Variants in PHLPP1 observed in about 807,000 individuals in gnomAD.
PHLPP1 encodes the protein PH domain leucine-rich repeat-containing protein phosphatase 1.
A neutral mutation model predicts 117.2 loss-of-function variants in PHLPP1; 42 were observed. That is an observed-to-expected ratio of 0.36 (90% CI 0.28 to 0.46). The LOEUF is 0.46. Among genes scored for constraint, PHLPP1 ranks in the 20% least tolerant of loss-of-function variants. The pLI is 1.00. For synonymous variants in PHLPP1, 1,042 were observed against 970.7 expected (o/e 1.07, Z -1.37); for missense variants, 2,084 against 2,241.9 (o/e 0.93, Z 1.42).
intron 10 of PHLPP1, among the ~76,000 whole-genome samples, chr18:62,920,578 G>T (rs1568162034): frequency 6.6e-6 from 1 of 152,066 alleles, no homozygotes. Context: ...TTGATCTTTT[G>T]AGACAGAGTC....
intron 1 of PHLPP1, among the ~76,000 whole-genome samples, chr18:62,790,764 G>A (rs560191964): frequency 6.6e-5 from 10 of 152,152 alleles, no homozygotes; most frequent in Non-Finnish European, 1.2e-4. Context: ...GGCTCTTGCC[G>A]TTAGTTGAGT....
At chr18:62,860,267 A>AAC (rs1915599001) in intron 3 of PHLPP1, among the ~76,000 whole-genome samples, 168 bp from the exon 4 acceptor site, 1 of 152,146 alleles carries the variant, frequency 6.6e-6, no homozygotes, top group African/African-American at 2.4e-5. Context: ...TATTGACTGA[A>AAC]AGGTTGGTAT....
Position 62,895,337 on chromosome 18 carries a change from C to A in PHLPP1, c.2213+180C>A, listed in dbSNP as rs1916530498. ...TCATATGTTGGATTTGTACTCCTTACAGTCTTGTAAAAAAATTAAATATTC... is the reference window on the plus strand; with the variant it reads ...TCATATGTTGGATTTGTACTCCTTAAAGTCTTGTAAAAAAATTAAATATTC... On this transcript the variant is annotated intron_variant, in intron 5 of 16. Transcript: ENST00000262719. Among the ~76,000 whole-genome samples the A allele has an allele frequency of 2.0e-5, 3 of 152,222 alleles. No homozygotes were observed. The South Asian group carries it at 6.2e-4, about 31-fold the overall frequency.
At chr18:62,833,980 AGTGAAC>A (rs1914822920) in intron 2 of PHLPP1, among the ~76,000 whole-genome samples, 1 of 152,202 alleles carries the variant, frequency 6.6e-6, no homozygotes, top group South Asian at 2.1e-4. Context: ...ATGATTGAAC[AGTGAAC>A]ATTATCAGTT....
chr18:62,808,806 G>A (rs910838572), intron 1 of PHLPP1, among the ~76,000 whole-genome samples: 10 of 152,160 alleles, frequency 6.6e-5, no homozygotes, highest in African/African-American at 2.2e-4. Context: ...CACCCACCTC[G>A]GCCTCCCAAA....
intron 1 of PHLPP1, among the ~76,000 whole-genome samples, chr18:62,773,900 A>G (rs948428043): frequency 2.0e-5 from 3 of 152,160 alleles, no homozygotes; most frequent in Non-Finnish European, 2.9e-5. Context: ...ATAGTTGGCC[A>G]TCTTCTCACT....
intron 13 of PHLPP1, among the ~76,000 whole-genome samples, chr18:62,961,251 G>A (rs536798078): frequency 2.0e-5 from 3 of 152,238 alleles, no homozygotes; most frequent in East Asian, 3.9e-4. Context: ...GCCGTGTTAC[G>A]CTATTGTACT....
chr18:62,916,954 A>C (rs571064680), intron 9 of PHLPP1, among the ~76,000 whole-genome samples: 2 of 149,796 alleles, frequency 1.3e-5, no homozygotes, highest in Non-Finnish European at 3.0e-5. Flanking sequence ...GGGTTTCACT[A>C]TGTTGACCAG....
chr18:62,938,244 T>A (rs1910030188), intron 10 of PHLPP1, among the ~76,000 whole-genome samples: 1 of 152,200 alleles, frequency 6.6e-6, no homozygotes, highest in Non-Finnish European at 1.5e-5. Flanking sequence ...TGAGGATAGT[T>A]ATCACATCAT....
intron 1 of PHLPP1, among the ~76,000 whole-genome samples, chr18:62,724,477 G>A (rs186334311): frequency 1.1e-4 from 16 of 152,258 alleles, no homozygotes; most frequent in Admixed American, 6.5e-4. Flanking sequence ...TCCAACATCT[G>A]TATTTTTATA....
chr18:62,918,607 A>T (rs181838156), intron 9 of PHLPP1, among the ~76,000 whole-genome samples: 132 of 152,206 alleles, frequency 8.7e-4, no homozygotes, highest in African/African-American at 3.1e-3. Flanking sequence ...CTGTGGTGTC[A>T]CAGGGTTGAG....
intron 1 of PHLPP1, among the ~76,000 whole-genome samples, chr18:62,766,699 A>C (rs1356838660): frequency 6.6e-6 from 1 of 152,164 alleles, no homozygotes; most frequent in African/African-American, 2.4e-5. Context: ...ATAATATATC[A>C]GCTGTATATT....
At chr18:62,917,198 ATTATATAT>A (rs1191080246) in intron 9 of PHLPP1, among the ~76,000 whole-genome samples, 1 of 116,844 alleles carries the variant, frequency 8.6e-6, no homozygotes, top group African/African-American at 3.6e-5. Context: ...ACATTAACAT[ATTATATAT>A]TTATATATTA....
chr18:62,930,345 A>G (rs901799545), intron 10 of PHLPP1, among the ~76,000 whole-genome samples: 1 of 152,212 alleles, frequency 6.6e-6, no homozygotes, highest in Non-Finnish European at 1.5e-5. Context: ...CCCATCTCAC[A>G]TGTAATGACA....
chr18:62,912,147 T>G (rs1916967814), intron 8 of PHLPP1, among the ~76,000 whole-genome samples: 1 of 105,402 alleles, frequency 9.5e-6, no homozygotes, highest in South Asian at 3.5e-4. Flanking sequence ...CTCTGGGGAC[T>G]GTGGTGGGGT....
chr18:62,878,308 GA>G (rs1324001144), intron 4 of PHLPP1, among the ~76,000 whole-genome samples: 13 of 152,158 alleles, frequency 8.5e-5, no homozygotes, highest in Admixed American at 5.9e-4. Flanking sequence ...CTTTGCTGAT[GA>G]CTTCTGAAAT....
intron 1 of PHLPP1, among the ~76,000 whole-genome samples, chr18:62,727,289 T>TA (rs1911102096): frequency 6.6e-6 from 1 of 150,538 alleles, no homozygotes; most frequent in Non-Finnish European, 1.5e-5. Context: ...TTTAATTGAA[T>TA]AACTGTGTTC....
At chr18:62,857,185 C>T (rs369908622) in intron 3 of PHLPP1, among the ~76,000 whole-genome samples, 1 of 152,070 alleles carries the variant, frequency 6.6e-6, no homozygotes, top group East Asian at 1.9e-4. Flanking sequence ...TTAGCAAACC[C>T]TTGGTGGCTT....
chr18:62,916,196 A>G (rs751769803), intron 9 of PHLPP1, among the ~76,000 whole-genome samples: 14 of 152,096 alleles, frequency 9.2e-5, no homozygotes, highest in Admixed American at 2.0e-4. Flanking sequence ...AAATGTGACT[A>G]GTCCTAATTG....
Sources: allele counts gnomAD v4.1 joint callset (sites outside exome capture counted in the v4.1 genomes callset), GRCh38; gene constraint gnomAD v4.1.1; transcripts MANE v1.5; gene names NCBI Gene and HGNC (gene_info 2026-07-23, HGNC 2026-07-21).